Variants in GPC6 observed in about 807,000 individuals in gnomAD.
The protein encoded by GPC6 is glypican-6.
A neutral mutation model predicts 55.2 loss-of-function variants in GPC6; 14 were observed. The observed-to-expected ratio is 0.25, with a 90% CI of 0.17 to 0.40. GPC6 has a LOEUF of 0.40. GPC6 is among the 10% of genes least tolerant of loss of function. GPC6 has a pLI of 1.00. For synonymous variants in GPC6, 278 were observed against 259.6 expected (o/e 1.07, Z -0.68); for missense variants, 641 against 708.5 (o/e 0.90, Z 1.08).
At chr13:93,509,325 A>G (rs916406552) in intron 1 of GPC6, among the ~76,000 whole-genome samples, 16 of 152,204 alleles carry the variant, frequency 1.1e-4, no homozygotes, top group Admixed American at 2.0e-4. Flanking sequence ...ATAAATATCA[A>G]ATGAATGTAG....
chr13:94,267,912 G>A (rs1230093392), intron 4 of GPC6, among the ~76,000 whole-genome samples: 1 of 152,154 alleles, frequency 6.6e-6, no homozygotes, highest in Non-Finnish European at 1.5e-5. Flanking sequence ...ATTCAGAATG[G>A]ACCTATTTCC....
At chr13:93,515,640 C>T (rs1881160323) in intron 1 of GPC6, among the ~76,000 whole-genome samples, 1 of 152,088 alleles carries the variant, frequency 6.6e-6, no homozygotes, top group Non-Finnish European at 1.5e-5. Context: ...ATGTAAGTCA[C>T]CCAGTAAAAT....
intron 1 of GPC6, among the ~76,000 whole-genome samples, chr13:93,523,788 C>T (rs1008708651): frequency 2.0e-5 from 3 of 151,878 alleles, no homozygotes; most frequent in African/African-American, 4.8e-5. Context: ...AATTAACTTC[C>T]GAAAGCTTTC....
chr13:93,321,366 C>T (rs1369295301), intron 1 of GPC6, among the ~76,000 whole-genome samples: 1 of 152,140 alleles, frequency 6.6e-6, no homozygotes, highest in South Asian at 2.1e-4. Flanking sequence ...CTGCTGCCCT[C>T]CTTACCAGGT....
At chr13:93,928,111 C>G (rs891553138) in intron 3 of GPC6, among the ~76,000 whole-genome samples, 1 of 152,138 alleles carries the variant, frequency 6.6e-6, no homozygotes, top group Admixed American at 6.5e-5. Flanking sequence ...ATCAGCAACA[C>G]AAATTCCAGT....
At chr13:93,263,373 T>G in intron 1 of GPC6, among the ~76,000 whole-genome samples, 1 of 152,126 alleles carries the variant, frequency 6.6e-6, no homozygotes, top group Non-Finnish European at 1.5e-5. Flanking sequence ...GTTTTTTTTG[T>G]TTTTTTCTGA....
At chr13:93,848,802 A>C (rs1200350213) in intron 3 of GPC6, among the ~76,000 whole-genome samples, 1 of 151,964 alleles carries the variant, frequency 6.6e-6, no homozygotes, top group East Asian at 1.9e-4. Context: ...TGCCCCCCGC[A>C]ACCAATGTAA....
intron 2 of GPC6, among the ~76,000 whole-genome samples, chr13:93,796,109 T>C (rs1380529417): frequency 1.3e-5 from 2 of 151,492 alleles, no homozygotes; most frequent in Admixed American, 1.3e-4. Flanking sequence ...GGTGGGAGGA[T>C]CACTTTCCTC....
chr13:94,158,380 TAA>T (rs56292041), intron 4 of GPC6, among the ~76,000 whole-genome samples: 29 of 146,840 alleles, frequency 2.0e-4, no homozygotes, highest in South Asian at 8.7e-4. Context: ...GATGATGCTT[TAA>T]AAAAAAAAAA....
At chr13:93,413,841 A>G (rs1303788627) in intron 1 of GPC6, among the ~76,000 whole-genome samples, 1 of 152,198 alleles carries the variant, frequency 6.6e-6, no homozygotes, top group Non-Finnish European at 1.5e-5. Flanking sequence ...CACACTCAGG[A>G]ATAATTCTGC....
intron 3 of GPC6, among the ~76,000 whole-genome samples, chr13:93,982,501 C>A (rs888238607): frequency 1.3e-5 from 2 of 152,016 alleles, no homozygotes; most frequent in Admixed American, 6.6e-5. Context: ...TTAAAGATAC[C>A]GACCCTACAT....
chr13:94,352,955 C>CTCCAAGTG (rs1878623746), intron 6 of GPC6, among the ~76,000 whole-genome samples: 3 of 152,270 alleles, frequency 2.0e-5, no homozygotes, highest in Non-Finnish European at 4.4e-5. Context: ...AACTGTATGT[C>CTCCAAGTG]CTTTAGCTAA....
At chr13:94,088,126 AC>A (rs1317063892) in intron 4 of GPC6, among the ~76,000 whole-genome samples, 5 of 152,110 alleles carry the variant, frequency 3.3e-5, no homozygotes, top group African/African-American at 1.2e-4. Flanking sequence ...AAATCCAAAT[AC>A]CAGAGGCTAG....
At position 93,514,713 on chromosome 13, in the gene GPC6, G is replaced by A. The variant is rs145189199; in HGVS notation, c.161-30550G>A. 2.8e-3 allele frequency among the ~76,000 whole-genome samples: 432 copies of A among 152,206 alleles called. 1 individual carries two copies. Among genetic ancestry groups the A allele is most frequent in the Middle Eastern group, 0.017 (5 of 294 alleles). On this transcript the variant is annotated intron_variant, in intron 1 of 8. Transcript: ENST00000377047. ...AATGTGAGTAGAAATGAACTGTCTC[G>A]TTTCCAGATGGAGGCTTTAAAAGTC... is the stretch of plus-strand genomic sequence containing the variant.
At chr13:94,102,120 C>T (rs995083876) in intron 4 of GPC6, among the ~76,000 whole-genome samples, 6 of 151,996 alleles carry the variant, frequency 3.9e-5, no homozygotes, top group East Asian at 1.9e-4. Flanking sequence ...CTTCATGCTA[C>T]GCTTACTATA....
chr13:94,082,131 G>A (rs1447511938), intron 4 of GPC6, among the ~76,000 whole-genome samples: 1 of 152,048 alleles, frequency 6.6e-6, no homozygotes, highest in East Asian at 1.9e-4. Context: ...ATGAGCCACT[G>A]CGCCCGGTCT....
chr13:93,758,827 G>A (rs887469859), intron 2 of GPC6, among the ~76,000 whole-genome samples: 10 of 152,014 alleles, frequency 6.6e-5, no homozygotes, highest in African/African-American at 2.2e-4. Flanking sequence ...TCCTAAATGT[G>A]TCATCATTTT....
chr13:93,873,972 C>T (rs1889211998), intron 3 of GPC6, among the ~76,000 whole-genome samples: 2 of 151,950 alleles, frequency 1.3e-5, no homozygotes, highest in African/African-American at 2.4e-5. Flanking sequence ...TCATGTCTTG[C>T]CTGGATTCTG....
At chr13:93,577,920 G>C (rs1876741603) in intron 2 of GPC6, among the ~76,000 whole-genome samples, 1 of 151,968 alleles carries the variant, frequency 6.6e-6, no homozygotes, top group Non-Finnish European at 1.5e-5. Flanking sequence ...TATCACAAAG[G>C]CATGTTGAAT....
Sources: allele counts gnomAD v4.1 joint callset (sites outside exome capture counted in the v4.1 genomes callset), GRCh38; gene constraint gnomAD v4.1.1; transcripts MANE v1.5; gene names NCBI Gene and HGNC (gene_info 2026-07-23, HGNC 2026-07-21).